The following MRM1 variants were observed in gnomAD, a reference collection of about 807,000 sequenced individuals.
The protein encoded by MRM1 is mitochondrial rRNA methyltransferase 1.
MRM1 carries 24 observed loss-of-function variants against 25.0 expected under a neutral mutation model. The observed-to-expected ratio is 0.96, with a 90% CI of 0.69 to 1.35. MRM1 has a LOEUF of 1.35. Ranked by LOEUF, MRM1 falls within the 40% of genes most tolerant of loss-of-function variation. The pLI is 0.00. For missense variants in MRM1, 431 were observed against 464.1 expected, an observed-to-expected ratio of 0.93 and a Z score of 0.65; for synonymous variants, 188 against 199.2, an observed-to-expected ratio of 0.94 and a Z score of 0.47.
the MRM1 span, among the ~76,000 whole-genome samples, chr17:36,617,659 G>A: frequency 6.6e-6 from 1 of 152,134 alleles, no homozygotes; most frequent in South Asian, 2.1e-4. Flanking sequence ...GCTTCCCAAA[G>A]TGCTGGGATT....
At chr17:36,629,452 C>T in the MRM1 span, among the ~76,000 whole-genome samples, 2 of 152,222 alleles carry the variant, frequency 1.3e-5, no homozygotes, top group African/African-American at 4.8e-5. Flanking sequence ...ATCATTCACA[C>T]TAGATGGCGC....
chr17:36,620,886 G>A, the MRM1 span, among the ~76,000 whole-genome samples: 1,012 of 152,280 alleles, frequency 6.6e-3, 2 homozygotes, highest in Middle Eastern at 0.01. Flanking sequence ...GAGGAAGAGA[G>A]ACTAAGATGT....
the MRM1 span, among the ~76,000 whole-genome samples, chr17:36,615,536 A>C: frequency 6.6e-6 from 1 of 152,032 alleles, no homozygotes; most frequent in Non-Finnish European, 1.5e-5. Context: ...GCAGGCGCCT[A>C]TAATCCCAGC....
At chr17:36,621,365 G>T in the MRM1 span, among the ~76,000 whole-genome samples, 1 of 152,154 alleles carries the variant, frequency 6.6e-6, no homozygotes, top group Non-Finnish European at 1.5e-5. Flanking sequence ...ACCCAAGCCA[G>T]CTCAGGGCCC....
intron 2 of MRM1, among the ~76,000 whole-genome samples, chr17:36,605,116 G>GT (rs1184256599): frequency 5.3e-5 from 8 of 150,780 alleles, no homozygotes; most frequent in Non-Finnish European, 1.0e-4. Context: ...CTCCAGCCTG[G>GT]GCAATAAGAG....
chr17:36,605,757 A>G (rs1200272768), intron 2 of MRM1, among the ~76,000 whole-genome samples: 1 of 151,974 alleles, frequency 6.6e-6, no homozygotes, highest in Non-Finnish European at 1.5e-5. Context: ...AAACCTTGGC[A>G]TCATCCTTAA....
downstream of MRM1, among the ~76,000 whole-genome samples, chr17:36,613,343 AC>A (rs2074988250): frequency 6.6e-6 from 1 of 152,080 alleles, no homozygotes; most frequent in Admixed American, 6.5e-5. Context: ...AATGTAATCA[AC>A]CTTGAGGTTT....
At chr17:36,631,656 G>A in the MRM1 span, among the ~76,000 whole-genome samples, 1 of 152,246 alleles carries the variant, frequency 6.6e-6, no homozygotes, top group African/African-American at 2.4e-5. Context: ...TAAGCTGTCA[G>A]ATGGATGGAT....
chr17:36,610,457 C>T (rs1167872636), downstream of MRM1, among the ~76,000 whole-genome samples: 3 of 152,198 alleles, frequency 2.0e-5, no homozygotes, highest in African/African-American at 4.8e-5. Context: ...TGGTCTCGAT[C>T]TCCTGACCTC....
Position 36,601,986 on chromosome 17 carries a change from T to C in MRM1, c.176T>C (p.Leu59Pro). 1 of 1,611,814 alleles carries C rather than the reference T, an allele frequency of 6.2e-7. No homozygotes were observed. The highest frequency in any genetic ancestry group is 8.5e-7 in the Non-Finnish European group (1 of 1,179,486). Residue 59 changes from leucine to proline, a missense_variant, in exon 1 of 5, where the codon CTC (leucine) becomes CCC (proline). Coordinates refer to ENST00000614766, the MANE Select transcript of MRM1 (RefSeq NM_024864.5). ...CTTCTGTTTGGCATGACCCCGTGTC[T>C]CCTGGCTCTGCAGGCCGCCCGCCGC... Reference protein sequence around the residue: ...LELLFGMTPCLLALQAARRSV... With the variant: ...LELLFGMTPCPLALQAARRSV...
the MRM1 span, among the ~76,000 whole-genome samples, chr17:36,623,726 G>A: frequency 6.6e-6 from 1 of 152,178 alleles, no homozygotes; most frequent in Non-Finnish European, 1.5e-5. Context: ...CTCCCTGGTT[G>A]GTAAGTTCTT....
At chr17:36,603,286 G>A in intron 2 of MRM1, 1 of 933,268 alleles carries the variant, frequency 1.1e-6, no homozygotes, top group Non-Finnish European at 1.3e-6. Flanking sequence ...AGAAACATAG[G>A]TAGTTTTAGC....
chr17:36,601,856 G>C lies in MRM1; in HGVS notation c.46G>C (p.Val16Leu). 1 of 1,597,238 alleles carries C rather than the reference G, an allele frequency of 6.3e-7. No individual in the cohort carries two copies. The highest frequency in any genetic ancestry group is 8.5e-7 in the Non-Finnish European group (1 of 1,173,448). The change falls in exon 1 of 5, where the codon GTC (valine) becomes CTC (leucine). Residue 16 changes from valine to leucine, a missense_variant. Val to Leu is a conservative substitution (Grantham distance 32). Transcript: ENST00000614766. ...CCGGGGCGCGACCTGGGGTCGCCTC[G>C]TCACCCGTCATTTCTCCCATGCAGC... is the stretch of plus-strand genomic sequence containing the variant. The part of the protein sequence containing the change: ...TVRGATWGRL[V>L]TRHFSHAARH...
the MRM1 span, among the ~76,000 whole-genome samples, chr17:36,619,251 A>C: frequency 6.6e-6 from 1 of 152,196 alleles, no homozygotes; most frequent in Admixed American, 6.5e-5. Flanking sequence ...ATAATATTTC[A>C]TTGTCTGTGT....
chr17:36,602,022 G>C lies in MRM1; in HGVS notation c.212G>C (p.Arg71Pro), dbSNP rs764203004. Residue 71 changes from arginine to proline, a missense_variant, in exon 1 of 5, where the codon CGG becomes CCG. Physicochemically the swap from Arg to Pro is moderately radical, Grantham distance 103. Transcript: ENST00000614766. This position sits in a 1 kb window ranked among gnomAD's most constrained non-coding sequence, Gnocchi z 4.1. ...ALQAARRSVARLLLQAGKAGL... is the reference protein window; with the variant it reads ...ALQAARRSVAPLLLQAGKAGL... ...CAGGCCGCCCGCCGCTCTGTGGCCC[G>C]GCTCCTGCTCCAGGCGGGTAAAGCT... 1.9e-6 allele frequency: 3 copies of C among 1,611,078 alleles called. No homozygotes were observed. Among genetic ancestry groups the C allele is most frequent in the African/African-American group, 2.7e-5 (2 of 74,906 alleles).
At chr17:36,615,521 T>C in the MRM1 span, among the ~76,000 whole-genome samples, 2 of 151,990 alleles carry the variant, frequency 1.3e-5, no homozygotes, top group African/African-American at 2.4e-5. Flanking sequence ...TAGCTGGGCA[T>C]GATGGCAGGC....
the MRM1 span, among the ~76,000 whole-genome samples, chr17:36,633,386 G>A: frequency 1.3e-5 from 2 of 152,226 alleles, no homozygotes; most frequent in African/African-American, 4.8e-5. Flanking sequence ...GGGTCCGTGA[G>A]GGAAGAGGAT....
At chr17:36,625,488 A>T in the MRM1 span, among the ~76,000 whole-genome samples, 32 of 73,512 alleles carry the variant, frequency 4.4e-4, no homozygotes, top group Non-Finnish European at 2.7e-5. Flanking sequence ...TTTTTGAGAA[A>T]GAGTCTTACT....
At chr17:36,612,536 G>C (rs369276062), downstream of MRM1, among the ~76,000 whole-genome samples, 120 of 152,310 alleles carry the variant, frequency 7.9e-4, no homozygotes, top group African/African-American at 2.7e-3. Context: ...GAGCTGGGGA[G>C]GCTGTGGCTG....
Sources: allele counts gnomAD v4.1 joint callset (sites outside exome capture counted in the v4.1 genomes callset), GRCh38; gene constraint gnomAD v4.1.1; non-coding constraint Gnocchi (gnomAD v3.1); transcripts MANE v1.5; gene names NCBI Gene and HGNC (gene_info 2026-07-23, HGNC 2026-07-21).